The following LIPA variants were observed in gnomAD, a reference collection of about 807,000 sequenced individuals.
LIPA encodes the protein lipase A, lysosomal acid type.
A neutral mutation model predicts 40.6 loss-of-function variants in LIPA; 26 were observed. That is an observed-to-expected ratio of 0.64 (90% confidence interval 0.47 to 0.89). The LOEUF (loss-of-function observed/expected upper bound fraction) is 0.89. Among genes scored for constraint, LIPA ranks in the 40% least tolerant of loss-of-function variants. The pLI is 0.00. For synonymous variants in LIPA, 188 were observed against 168.4 expected, an observed-to-expected ratio of 1.12 and a Z score of -0.90; for missense variants, 455 against 479.6, an observed-to-expected ratio of 0.95 and a Z score of 0.48.
At chr10:89,321,079 A>C (rs570712040) in intron 1 of LIPA, among the ~76,000 whole-genome samples, 5,584 of 151,724 alleles carry the variant, frequency 0.037, 276 homozygotes, top group African/African-American at 0.13. Context: ...AAGATGGATT[A>C]AAGATTTAAA....
At chr10:89,320,280 C>T (rs1156966325) in intron 1 of LIPA, among the ~76,000 whole-genome samples, 1 of 152,160 alleles carries the variant, frequency 6.6e-6, no homozygotes, top group Non-Finnish European at 1.5e-5. Flanking sequence ...GTCAAATTGT[C>T]CCTGTGTGCA....
At chr10:89,404,100 C>T (rs1388250168) in intron 2 of LIPA, 3 of 159,220 alleles carry the variant, frequency 1.9e-5, no homozygotes, top group Non-Finnish European at 4.1e-5. Flanking sequence ...AACTAAGTTT[C>T]CCAACCATGA....
chr10:89,314,468 G>GA (rs1843531918), intron 1 of LIPA: 1 of 152,282 alleles, frequency 6.6e-6, no homozygotes, highest in African/African-American at 2.4e-5. Flanking sequence ...TAGAGATCGA[G>GA]ACCATCCTGG....
At chr10:89,403,507 C>A in intron 2 of LIPA, 1 of 1,612,556 alleles carries the variant, frequency 6.2e-7, no homozygotes, top group South Asian at 1.1e-5. Context: ...ATAGAACAGG[C>A]ATCATTAACA....
chr10:89,225,936 C>T (rs763717024), intron 5 of LIPA, among the ~76,000 whole-genome samples: 46 of 152,240 alleles, frequency 3.0e-4, no homozygotes, highest in Non-Finnish European at 3.7e-4. Context: ...CTTGCTCTTC[C>T]GTCATTATTG....
Position 89,214,965 on chromosome 10 carries a change from T to C in LIPA, c.1063A>G (p.Ile355Val), listed in dbSNP as rs1212857317. The C allele has an allele frequency of 1.2e-6, 2 of 1,614,158 alleles. No homozygotes were observed. The highest frequency in any genetic ancestry group is 2.2e-5 in the South Asian group (2 of 91,084). The change falls in exon 10 of 10, where the codon ATC (isoleucine) becomes GTC (valine). Residue 355 changes from isoleucine to valine, a missense_variant. By Grantham distance (29) the Ile-to-Val change is conservative (BLOSUM62 3). Coordinates refer to ENST00000336233, the MANE Select transcript of LIPA (RefSeq NM_000235.4). ...AAGTTGGTGATCTGAGTCAGTAAGA[T>C]ATTGACGTCGTAGACATCTGCAAGC... ...DWLADVYDVN[I>V]LLTQITNLVF...
At chr10:89,383,184 G>C (rs1044469317) in intron 2 of LIPA, 1 of 747,306 alleles carries the variant, frequency 1.3e-6, no homozygotes, top group Admixed American at 2.9e-5. Context: ...CATGACTGTA[G>C]AACCCAGAGG....
chr10:89,293,999 T>C (rs933742024), intron 1 of LIPA, among the ~76,000 whole-genome samples: 22 of 152,216 alleles, frequency 1.4e-4, no homozygotes, highest in African/African-American at 5.3e-4. Context: ...TACTGATGTA[T>C]CTTAAGAGCC....
intron 7 of LIPA, 46 bp downstream of exon 7, chr10:89,223,637 AT>A (rs1312120708): frequency 6.9e-7 from 1 of 1,453,718 alleles, no homozygotes; most frequent in Non-Finnish European, 9.7e-7. Flanking sequence ...AAATAAGCAC[AT>A]TCACAGATAA....
intron 9 of LIPA, 44 bp downstream of exon 9, chr10:89,215,894 T>A (rs1184672803): frequency 4.7e-6 from 6 of 1,283,028 alleles, no homozygotes. Flanking sequence ...GCTTTCTTGA[T>A]GAGTTTTCAG....
At chr10:89,353,009 T>C (rs1843968299) in intron 2 of LIPA, among the ~76,000 whole-genome samples, 1 of 152,172 alleles carries the variant, frequency 6.6e-6, no homozygotes, top group Non-Finnish European at 1.5e-5. Flanking sequence ...CTATCGTTCA[T>C]GTAAAACTGC....
chr10:89,237,757 AG>A (rs1842923597), intron 3 of LIPA, among the ~76,000 whole-genome samples: 1 of 152,222 alleles, frequency 6.6e-6, no homozygotes, highest in South Asian at 2.1e-4. Context: ...TTTGCCAGTA[AG>A]GGACTGCCTT....
intron 1 of LIPA, among the ~76,000 whole-genome samples, chr10:89,278,938 C>T (rs1289206734): frequency 6.6e-6 from 1 of 151,904 alleles, no homozygotes; most frequent in Non-Finnish European, 1.5e-5. Context: ...TATGCACACA[C>T]ACACAGAGAC....
At chr10:89,217,510 GTCCTTCAGC>G (rs2133416333) in intron 8 of LIPA, among the ~76,000 whole-genome samples, 1 of 152,296 alleles carries the variant, frequency 6.6e-6, no homozygotes, top group South Asian at 2.1e-4. Context: ...TTTGTCACAT[GTCCTTCAGC>G]ATTCATATGA....
At chr10:89,373,185 A>C (rs1439465187) in intron 2 of LIPA, among the ~76,000 whole-genome samples, 1 of 151,674 alleles carries the variant, frequency 6.6e-6, no homozygotes. Flanking sequence ...TACAAAAAAC[A>C]TTTGCCGGGC....
intron 8 of LIPA, among the ~76,000 whole-genome samples, chr10:89,217,672 T>C (rs966809811): frequency 1.3e-5 from 2 of 152,230 alleles, no homozygotes; most frequent in African/African-American, 4.8e-5. Flanking sequence ...ATTAAGATGA[T>C]TTCCAGTAAC....
intron 2 of LIPA, among the ~76,000 whole-genome samples, chr10:89,365,044 G>A (rs1435983289): frequency 6.6e-6 from 1 of 152,212 alleles, no homozygotes; most frequent in African/African-American, 2.4e-5. Flanking sequence ...ATTGGAGAGT[G>A]TTGACAAATT....
chr10:89,282,720 T>G (rs1226146080), intron 1 of LIPA, among the ~76,000 whole-genome samples: 1 of 152,154 alleles, frequency 6.6e-6, no homozygotes, highest in Non-Finnish European at 1.5e-5. Context: ...TTCTAAGAGC[T>G]TCACAACAAG....
chr10:89,247,512 A>G, intron 2 of LIPA, 26 bp downstream of exon 2: 1 of 1,410,168 alleles, frequency 7.1e-7, no homozygotes, highest in Non-Finnish European at 1.0e-6. Flanking sequence ...ATGCATTTTA[A>G]AAGTACATAA....
Sources: gnomAD v4.1 joint callset for allele counts (sites outside exome capture counted in the v4.1 genomes callset) on GRCh38, gnomAD v4.1.1 for gene constraint, MANE v1.5 for transcripts, NCBI Gene and HGNC (gene_info 2026-07-23, HGNC 2026-07-21) for gene names.